Variants in KIAA0753 observed in about 807,000 individuals in gnomAD.
The protein encoded by KIAA0753 is protein moonraker.
In KIAA0753, 114 loss-of-function variants were observed where a neutral mutation model predicts 116.9. The ratio of observed to expected loss-of-function variants is 0.98; its 90% confidence interval spans 0.84 to 1.14. The LOEUF (loss-of-function observed/expected upper bound fraction) is 1.14. Ranked by LOEUF, KIAA0753 falls within the 50% of genes most tolerant of loss-of-function variation. KIAA0753 has a pLI of 0.00. For synonymous variants in KIAA0753, 405 were observed against 413.1 expected, an observed-to-expected ratio of 0.98 and a Z score of 0.24; for missense variants, 1,156 against 1,172.4, an observed-to-expected ratio of 0.99 and a Z score of 0.20.
At chr17:6,600,573 G>T (rs555255801) in intron 12 of KIAA0753, 115 bp from the exon 13 acceptor site, 1 of 709,012 alleles carries the variant, frequency 1.4e-6, no homozygotes, top group Non-Finnish European at 2.4e-6. Context: ...TTCTCTAACC[G>T]TTCATGGCCA....
At chr17:6,596,002 G>C (rs557582949) in intron 15 of KIAA0753, among the ~76,000 whole-genome samples, 156 bp downstream of exon 15, 1 of 152,178 alleles carries the variant, frequency 6.6e-6, no homozygotes, top group Non-Finnish European at 1.5e-5. Flanking sequence ...AGGGGTTGAC[G>C]ATACCAAGGT....
At position 6,606,904 on chromosome 17, in the gene KIAA0753, CT is replaced by C. The variant is rs778345899; in HGVS notation, c.1977del (p.Ala660LeufsTer10). 6.2e-7 allele frequency: 1 copy of C among 1,614,092 alleles called. No homozygotes were observed. Among genetic ancestry groups the C allele is most frequent in the East Asian group, 2.2e-5 (1 of 44,876 alleles). On this transcript the variant is annotated frameshift_variant, in exon 12 of 19. Coordinates refer to ENST00000361413, the MANE Select transcript of KIAA0753 (RefSeq NM_014804.3). LOFTEE classifies it high-confidence loss of function. ...SRRTKELNELKAEEMYRLQQL... is the reference protein window; with the variant it reads ...SRRTKELNELXAEEMYRLQQL... ...TGTTGGAGTCTATACATTTCTTCAG[CT>C]TTGAGCTCATTCAGTTCCTTTGTTC...
intron 18 of KIAA0753, 92 bp downstream of exon 18, chr17:6,589,687 A>T: frequency 1.1e-6 from 1 of 937,846 alleles, no homozygotes; most frequent in Non-Finnish European, 1.6e-6. Flanking sequence ...AGCATATGGG[A>T]TAAGACCTTG....
At chr17:6,636,992 C>T (rs1481254134) in intron 1 of KIAA0753, 3 of 152,356 alleles carry the variant, frequency 2.0e-5, no homozygotes, top group Admixed American at 2.0e-4. Flanking sequence ...TTCTCATAGG[C>T]TGTTTCTTCC....
In KIAA0753 at chr17:6,607,059, G is replaced by A. The variant is rs541635255; in HGVS notation, c.1920-97C>T. 6 of 1,411,582 alleles carry A rather than the reference G, an allele frequency of 4.3e-6. No homozygotes were observed. In the South Asian group the frequency reaches 7.0e-5, roughly 16 times the overall value. 87.4% of individuals were successfully genotyped at this position (1,411,582 alleles called of 1,614,324 possible). A position where few individuals can be genotyped will look rare whatever the true frequency, so the allele number is the denominator to read the frequency against. Reference sequence around the variant, plus strand: ...TGGCTCCCCCCTTGGCTTCTTAAGTGACTTCAGTCTTTTAAGGAGGCAGAA... The same window carrying A: ...TGGCTCCCCCCTTGGCTTCTTAAGTAACTTCAGTCTTTTAAGGAGGCAGAA... On this transcript the variant is annotated intron_variant, in intron 11 of 18. Transcript: ENST00000361413.
intron 12 of KIAA0753, 66 bp downstream of exon 12, chr17:6,606,807 T>C (rs1267976169): frequency 7.2e-7 from 1 of 1,379,962 alleles, no homozygotes; most frequent in Non-Finnish European, 1.0e-6. Flanking sequence ...GGTTGGTTGC[T>C]AGAACTATCT....
At position 6,628,281 on chromosome 17, in the gene KIAA0753, A is replaced by C; in HGVS notation, c.554T>G (p.Leu185Arg). The C allele has an allele frequency of 6.2e-7, 1 of 1,614,184 alleles. No homozygotes were observed. ...LYSSHPGQSD[L>R]TVPNSPPTHD... Reference sequence around the variant, plus strand: ...GGTGGGTGGCGAATTTGGCACAGTAAGATCTGACTGGCCTGGATGAGATGA... The same window carrying C: ...GGTGGGTGGCGAATTTGGCACAGTACGATCTGACTGGCCTGGATGAGATGA... The change falls in exon 3 of 19, where the codon CTT becomes CGT. Residue 185 changes from leucine to arginine, a missense_variant. Coordinates refer to ENST00000361413, the MANE Select transcript of KIAA0753 (RefSeq NM_014804.3).
intron 6 of KIAA0753, among the ~76,000 whole-genome samples, 198 bp from the exon 7 acceptor site, chr17:6,621,196 T>A (rs1971300116): frequency 6.6e-6 from 1 of 152,256 alleles, no homozygotes; most frequent in African/African-American, 2.4e-5. Flanking sequence ...TACTTTCAGA[T>A]GTGTAGCTCA....
Position 6,610,095 on chromosome 17 carries a change from T to G in KIAA0753, c.1611A>C (p.Thr537=). Residue 537 remains threonine (T), a synonymous_variant, in exon 9 of 19, where the codon ACA becomes ACC. Transcript: ENST00000361413. Reference sequence around the variant, plus strand: ...TCATTTTTAATCTGGATGAAACTGTTGTCTGCTGCACTCTGCTTTTACTGT... The same window carrying G: ...TCATTTTTAATCTGGATGAAACTGTGGTCTGCTGCACTCTGCTTTTACTGT... ...QPHSKSRVQQ[T]TVSSRLKMNR... is the part of the protein sequence containing the mutation. The G allele has an allele frequency of 6.2e-7, 1 of 1,614,168 alleles. No homozygotes were observed. Among genetic ancestry groups the G allele is most frequent in the Non-Finnish European group, 8.5e-7 (1 of 1,180,032 alleles).
chr17:6,610,516 C>CTTTTTT (rs71157206), intron 8 of KIAA0753, among the ~76,000 whole-genome samples: 4 of 113,458 alleles, frequency 3.5e-5, no homozygotes, highest in Non-Finnish European at 3.4e-5. Context: ...TTTTCTTTCT[C>CTTTTTT]TTTTTTTTTT....
Position 6,628,109 on chromosome 17 carries a change from T to G in KIAA0753, c.718+8A>C, listed in dbSNP as rs1305617751. On this transcript the variant is annotated splice_region_variant and intron_variant, in intron 3 of 18. Transcript: ENST00000361413. ...TTAGGTCGAAGTAAAGAATCTAATT[T>G]TTCTCACCTTTTTTAGTTACCTCTT... 1.2e-6 allele frequency: 2 copies of G among 1,602,102 alleles called. No individual in the cohort carries two copies. Among genetic ancestry groups the G allele is most frequent in the Non-Finnish European group, 1.7e-6 (2 of 1,174,948 alleles).
At chr17:6,627,439 T>C (rs1370001552) in intron 3 of KIAA0753, among the ~76,000 whole-genome samples, 1 of 152,212 alleles carries the variant, frequency 6.6e-6, no homozygotes, top group African/African-American at 2.4e-5. Context: ...ACGGTTTCTT[T>C]TGATGCTCAA....
At chr17:6,640,366 T>A (rs1396232025) in intron 1 of KIAA0753, 1 of 152,852 alleles carries the variant, frequency 6.5e-6, no homozygotes, top group Non-Finnish European at 1.5e-5. Flanking sequence ...GGGGATGTCT[T>A]AGCACCTCGC....
chr17:6,628,597 C>A lies in KIAA0753; in HGVS notation c.238G>T (p.Gly80Cys). The change falls in exon 3 of 19, where the codon GGT becomes TGT. Residue 80 changes from glycine to cysteine, a missense_variant. Coordinates refer to ENST00000361413, the MANE Select transcript of KIAA0753 (RefSeq NM_014804.3). ...GAAACAGAACTGCCCAGGTCAGGACCAACTCTACAATCTGCATCTTTACAA... is the reference window on the plus strand; with the variant it reads ...GAAACAGAACTGCCCAGGTCAGGACAAACTCTACAATCTGCATCTTTACAA... The part of the protein sequence containing the change: ...YHCKDADCRV[G>C]PDLGSSVSFS... The A allele has an allele frequency of 6.2e-7, 1 of 1,614,172 alleles. No homozygotes were observed. The highest frequency in any genetic ancestry group is 8.5e-7 in the Non-Finnish European group (1 of 1,180,024).
At chr17:6,606,110 A>G (rs144586691) in intron 12 of KIAA0753, among the ~76,000 whole-genome samples, 121 of 152,302 alleles carry the variant, frequency 7.9e-4, no homozygotes, top group Non-Finnish European at 1.4e-3. Context: ...TGGAGATAGT[A>G]GAGAGGAGCC....
intron 8 of KIAA0753, among the ~76,000 whole-genome samples, chr17:6,610,537 A>G (rs1177087243): frequency 4.5e-4 from 9 of 19,970 alleles, no homozygotes; most frequent in Non-Finnish European, 8.9e-4. Flanking sequence ...TTTTTTTTTT[A>G]AGAGACAGGG....
rs750101982 is a variant in KIAA0753 at position 6,622,886 on chromosome 17, A to T, written c.1100T>A (p.Ile367Asn). ...AAATTGGAATTAATTCCATACCTCA[A>T]TTTGTTGCAGAATATCTATAACCAC... ...PDVVIDILQQ[I>N]EALESLLEKK... The change falls in exon 6 of 19, where the codon ATT (isoleucine) becomes AAT (asparagine). Residue 367 changes from isoleucine (I) to asparagine (N), a missense_variant. Coordinates refer to ENST00000361413, the MANE Select transcript of KIAA0753 (RefSeq NM_014804.3). The T allele has an allele frequency of 1.9e-6, 3 of 1,610,808 alleles. No homozygotes were observed. Among genetic ancestry groups the T allele is most frequent in the Non-Finnish European group, 2.5e-6 (3 of 1,177,082 alleles).
In KIAA0753 at chr17:6,623,519, T is replaced by A; in HGVS notation, c.878A>T (p.His293Leu). The A allele has an allele frequency of 6.2e-7, 1 of 1,604,392 alleles. No individual in the cohort carries two copies. The highest frequency in any genetic ancestry group is 8.5e-7 in the Non-Finnish European group (1 of 1,173,004). ...LDKLSPHKIK[H>L]TKKSWAMSKL... Reference sequence around the variant, plus strand: ...TTAATTGCAGCATACCTTCTTAGTGTGTTTAATTTTATGTGGACTCAATTT... The same window carrying A: ...TTAATTGCAGCATACCTTCTTAGTGAGTTTAATTTTATGTGGACTCAATTT... The change falls in exon 5 of 19, where the codon CAC becomes CTC. Residue 293 changes from histidine to leucine, a missense_variant. By Grantham distance (99) the His-to-Leu change is moderately conservative (BLOSUM62 -3). Transcript: ENST00000361413.
In KIAA0753 at chr17:6,628,339, T is replaced by C; in HGVS notation, c.496A>G (p.Ile166Val). 6.2e-7 allele frequency: 1 copy of C among 1,614,060 alleles called. No homozygotes were observed. Among genetic ancestry groups the C allele is most frequent in the Non-Finnish European group, 8.5e-7 (1 of 1,179,980 alleles). ...TATACTTTGGCACCAGAGCTGGAGA[T>C]TTCTACTTTGGATGGCTGGTGGCTA... ...QCSHQPSKVE[I>V]SSSGAKVYLY... is the part of the protein sequence containing the mutation. Residue 166 changes from isoleucine (I) to valine (V), a missense_variant, in exon 3 of 19, where the codon ATC becomes GTC. Ile to Val is a conservative substitution (Grantham distance 29, BLOSUM62 3). Coordinates refer to ENST00000361413, the MANE Select transcript of KIAA0753 (RefSeq NM_014804.3).
Sources: gnomAD v4.1 joint callset for allele counts (sites outside exome capture counted in the v4.1 genomes callset) on GRCh38, gnomAD v4.1.1 for gene constraint, MANE v1.5 for transcripts, NCBI Gene and HGNC (gene_info 2026-07-23, HGNC 2026-07-21) for gene names.